The following HDGFL2 variants were observed in gnomAD, a reference collection of about 807,000 sequenced individuals.
HDGFL2 encodes the protein hepatoma-derived growth factor-related protein 2.
A neutral mutation model predicts 77.1 loss-of-function variants in HDGFL2; 36 were observed. That is an observed-to-expected ratio of 0.47 (90% CI 0.36 to 0.62). The LOEUF is 0.62. HDGFL2 is among the 20% of genes least tolerant of loss of function. The probability of loss-of-function intolerance (pLI) is 0.00; values close to 1 mark genes in which losing one functional copy is unlikely to be tolerated. For synonymous variants in HDGFL2, 463 were observed against 413.1 expected (o/e 1.12, Z -1.46); for missense variants, 976 against 973.4 (o/e 1.00, Z -0.04).
At chr19:4,501,780 TAGG>T (rs1329300145) in intron 15 of HDGFL2, 128 bp from the exon 16 acceptor site, 3 of 618,994 alleles carry the variant, frequency 4.8e-6, no homozygotes, top group Middle Eastern at 4.4e-4. Context: ...GACAGGCAGA[TAGG>T]AGGGCGGCAC....
chr19:4,481,447 C>T (rs796655431), intron 3 of HDGFL2, among the ~76,000 whole-genome samples: 28 of 152,242 alleles, frequency 1.8e-4, no homozygotes, highest in African/African-American at 6.5e-4. Flanking sequence ...GCCTCGGCCT[C>T]TCAAAGTGCT....
rs1267380440 is a variant in HDGFL2 at position 4,501,987 on chromosome 19, G to A, written c.1993G>A (p.Glu665Lys). 2 of 1,514,334 alleles carry A rather than the reference G, an allele frequency of 1.3e-6. No homozygotes were observed. The highest frequency in any genetic ancestry group is 2.4e-5 in the Admixed American group (1 of 41,742). The allele number at this position is 1,514,334 out of a possible 1,614,324, so 93.8% of individuals were successfully genotyped here. ...QERERARGDS[E>K]ALDEES ...GCGCGAGAGGGCACGGGGGGACTCG[G>A]AGGCCCTGGACGAGGAGAGCTGAGC... Residue 665 changes from glutamate (E) to lysine (K), a missense_variant, in exon 16 of 16, where the codon GAG becomes AAG. Coordinates refer to ENST00000616600, the MANE Select transcript of HDGFL2 (RefSeq NM_001001520.3).
At chr19:4,501,447 C>A in intron 15 of HDGFL2, 130 bp downstream of exon 15, 1 of 1,123,840 alleles carries the variant, frequency 8.9e-7, no homozygotes, top group Non-Finnish European at 1.2e-6. Context: ...TTACTCGGGC[C>A]TCCCACCTTC....
chr19:4,493,934 C>T, intron 7 of HDGFL2, 48 bp from the exon 8 acceptor site: 2 of 1,566,678 alleles, frequency 1.3e-6, no homozygotes, highest in Middle Eastern at 1.7e-4. Flanking sequence ...CCCCTGGTCA[C>T]CTTGGAGCCC....
chr19:4,496,869 C>CTT (rs34622619), intron 10 of HDGFL2: 14,559 of 341,116 alleles, frequency 0.043, 15 homozygotes, highest in South Asian at 0.057. Flanking sequence ...TCCCAGCTCA[C>CTT]TTTTTTTTTT....
At chr19:4,481,474 G>A (rs964839356) in intron 3 of HDGFL2, among the ~76,000 whole-genome samples, 4 of 151,644 alleles carry the variant, frequency 2.6e-5, no homozygotes, top group East Asian at 1.9e-4. Context: ...ACAGGCTTGA[G>A]CCACCGCGCC....
intron 6 of HDGFL2, among the ~76,000 whole-genome samples, chr19:4,493,210 TGTGTGTGGTGTG>T (rs1975592013): frequency 7.1e-6 from 1 of 140,410 alleles, no homozygotes. Flanking sequence ...GTCTGTGCGG[TGTGTGTGGTGTG>T]GTGTGTGGTA....
intron 6 of HDGFL2, among the ~76,000 whole-genome samples, chr19:4,493,255 TGTGTGTGTGTGTG>T (rs1269743459): frequency 7.8e-6 from 1 of 127,564 alleles, no homozygotes; most frequent in African/African-American, 3.1e-5. Context: ...GTGTGTTGTC[TGTGTGTGTGTGTG>T]GTGTGTGTGT....
chr19:4,486,748 T>A (rs1975371995), intron 3 of HDGFL2, among the ~76,000 whole-genome samples: 1 of 152,000 alleles, frequency 6.6e-6, no homozygotes, highest in Admixed American at 6.6e-5. Context: ...GGCCTAACTC[T>A]TCATCCTCCT....
chr19:4,497,524 A>G, intron 10 of HDGFL2: 1 of 304,164 alleles, frequency 3.3e-6, no homozygotes, highest in South Asian at 2.9e-5. Flanking sequence ...AATGGCCTTG[A>G]GTGGGCAAAC....
chr19:4,487,311 C>T (rs989590845), intron 3 of HDGFL2, among the ~76,000 whole-genome samples: 5 of 151,920 alleles, frequency 3.3e-5, no homozygotes, highest in Non-Finnish European at 7.4e-5. Flanking sequence ...GTCTGGAGTG[C>T]AGTGGTGTGA....
At chr19:4,491,168 G>A (rs1975496180) in intron 4 of HDGFL2, among the ~76,000 whole-genome samples, 2 of 149,560 alleles carry the variant, frequency 1.3e-5, no homozygotes, top group Non-Finnish European at 3.0e-5. Flanking sequence ...ACGTGGTTGT[G>A]CAACCATCAC....
Position 4,494,242 on chromosome 19 carries a change from C to T in HDGFL2, c.991C>T (p.Arg331Trp), listed in dbSNP as rs551002920. The T allele has an allele frequency of 4.8e-6, 7 of 1,460,496 alleles. No homozygotes were observed. The highest frequency in any genetic ancestry group is 2.7e-5 in the Admixed American group (1 of 36,572). The allele number at this position is 1,460,496 out of a possible 1,614,324, so 90.5% of individuals were successfully genotyped here. ...EARRRELEAR[R>W]RREQEEELRR... is the part of the protein sequence containing the mutation. ...GCGGAGGCGCGAGCTGGAGGCCCGGCGGCGGCGAGAGCAGGAGGAGGAGCT... is the reference window on the plus strand; with the variant it reads ...GCGGAGGCGCGAGCTGGAGGCCCGGTGGCGGCGAGAGCAGGAGGAGGAGCT... The change falls in exon 9 of 16, where the codon CGG becomes TGG. Residue 331 changes from arginine to tryptophan, a missense_variant. Physicochemically the swap from Arg to Trp is moderately radical, Grantham distance 101 (BLOSUM62 -3). Coordinates refer to ENST00000616600, the MANE Select transcript of HDGFL2 (RefSeq NM_001001520.3).
chr19:4,501,285 G>A lies in HDGFL2; in HGVS notation c.1884G>A (p.Gly628=). Residue 628 remains glycine (G), a synonymous_variant, in exon 15 of 16, where the codon GGG becomes GGA. Transcript: ENST00000616600. ...AGGAGGGTCGGGACTCGGAGGAGGG[G>A]CCAAGGTGTGGCTCCTCTGAAGACC... is the stretch of plus-strand genomic sequence containing the variant. The part of the protein sequence containing the change: ...EHEEGRDSEE[G]PRCGSSEDLH... 1 of 1,610,044 alleles carries A rather than the reference G, an allele frequency of 6.2e-7. No individual in the cohort carries two copies. The highest frequency in any genetic ancestry group is 8.5e-7 in the Non-Finnish European group (1 of 1,177,740).
Position 4,491,583 on chromosome 19 carries a change from A to G in HDGFL2, c.507A>G (p.Arg169=). Residue 169 remains arginine, a synonymous_variant, in exon 5 of 16, where the codon CGA becomes CGG. Coordinates refer to ENST00000616600, the MANE Select transcript of HDGFL2 (RefSeq NM_001001520.3). ...CCTTCCAGATGTCGGTCTCGAAACG[A>G]GCCCGAAAGGCCTCCAGCGACCTGG... is the stretch of plus-strand genomic sequence containing the variant. The part of the protein sequence containing the change: ...TPALKMSVSK[R]ARKASSDLDQ... The G allele has an allele frequency of 1.2e-6, 2 of 1,613,744 alleles. No individual in the cohort carries two copies. Among genetic ancestry groups the G allele is most frequent in the Non-Finnish European group, 8.5e-7 (1 of 1,179,996 alleles).
rs1975172770 is a variant in HDGFL2 at position 4,479,955 on chromosome 19, G to A, written c.288+4372G>A. Among the ~76,000 whole-genome samples, 4 of 151,884 alleles carry A rather than the reference G, an allele frequency of 2.6e-5. No individual in the cohort carries two copies. The South Asian group carries it at 8.3e-4, about 32-fold the overall frequency. On this transcript the variant is annotated intron_variant, in intron 3 of 15. Transcript: ENST00000616600. ...CTTAGATGCCCAGAGGGACCCAGCT[G>A]GTGTCTGAAGCCTTGTAGACCCAGG...
intron 3 of HDGFL2, among the ~76,000 whole-genome samples, chr19:4,479,428 A>G (rs34992371): frequency 0.017 from 2,568 of 152,084 alleles, 42 homozygotes; most frequent in Non-Finnish European, 0.031. Context: ...CTAAAAAAAA[A>G]ATACAGAAAG....
chr19:4,493,670 C>T (rs1034425387), intron 6 of HDGFL2, 33 bp from the exon 7 acceptor site: 2 of 1,415,020 alleles, frequency 1.4e-6, no homozygotes, highest in South Asian at 3.2e-5. Flanking sequence ...GGTGGGGCTC[C>T]TGATGCTCAC....
chr19:4,490,479 A>G (rs1354878488), intron 4 of HDGFL2, among the ~76,000 whole-genome samples: 1 of 152,008 alleles, frequency 6.6e-6, no homozygotes. Context: ...GGTTGTTTCC[A>G]CTTTTGGGCC....
Sources: gnomAD v4.1 joint callset for allele counts (sites outside exome capture counted in the v4.1 genomes callset) on GRCh38, gnomAD v4.1.1 for gene constraint, MANE v1.5 for transcripts, NCBI Gene and HGNC (gene_info 2026-07-23, HGNC 2026-07-21) for gene names.